Variants in L3MBTL4 observed in about 807,000 individuals in gnomAD.
L3MBTL4 encodes the protein lethal(3)malignant brain tumor-like protein 4.
In L3MBTL4, 70 loss-of-function variants were observed where a neutral mutation model predicts 84.5. The observed-to-expected ratio is 0.83, with a 90% CI of 0.68 to 1.01. The LOEUF (loss-of-function observed/expected upper bound fraction) is 1.01, where lower values mean the gene tolerates loss of function less well. L3MBTL4 is among the 50% of genes least tolerant of loss of function. The pLI is 0.00. For synonymous variants in L3MBTL4, 274 were observed against 259.8 expected (o/e 1.05, Z -0.52); for missense variants, 715 against 754.8 (o/e 0.95, Z 0.62).
At chr18:6,401,550 A>G (rs775070260) in intron 1 of L3MBTL4, among the ~76,000 whole-genome samples, 9 of 152,218 alleles carry the variant, frequency 5.9e-5, no homozygotes, top group Non-Finnish European at 1.0e-4. Context: ...ACAGCTTATA[A>G]GAGGTAAAGT....
At chr18:6,175,062 A>G (rs1362719810) in intron 12 of L3MBTL4, among the ~76,000 whole-genome samples, 4 of 152,136 alleles carry the variant, frequency 2.6e-5, no homozygotes, top group Admixed American at 6.5e-5. Context: ...GGCCAAAAAT[A>G]CCAATTTGCA....
chr18:6,285,483 AGT>A (rs146666645), intron 4 of L3MBTL4, among the ~76,000 whole-genome samples: 26,252 of 150,996 alleles, frequency 0.17, 2,298 homozygotes, highest in Middle Eastern at 0.22. Flanking sequence ...AGTGCTATAA[AGT>A]GTGTGTGTGT....
intron 12 of L3MBTL4, among the ~76,000 whole-genome samples, chr18:6,176,633 G>A (rs183474155): frequency 3.3e-5 from 5 of 152,208 alleles, no homozygotes; most frequent in South Asian, 4.1e-4. Flanking sequence ...AAGTCTTCAT[G>A]ATATTGGAAT....
intron 1 of L3MBTL4, among the ~76,000 whole-genome samples, chr18:6,361,983 C>A (rs1327379108): frequency 6.6e-6 from 1 of 151,830 alleles, no homozygotes; most frequent in Non-Finnish European, 1.5e-5. Flanking sequence ...GTGGTAGACA[C>A]CTGTAGTCCC....
At chr18:6,408,075 A>G (rs937728780) in intron 1 of L3MBTL4, among the ~76,000 whole-genome samples, 5 of 152,228 alleles carry the variant, frequency 3.3e-5, no homozygotes, top group African/African-American at 1.2e-4. Flanking sequence ...TTAGACAAGG[A>G]GTAAAAAAGG....
At chr18:6,377,600 G>A (rs2054420898) in intron 1 of L3MBTL4, among the ~76,000 whole-genome samples, 1 of 152,134 alleles carries the variant, frequency 6.6e-6, no homozygotes, top group East Asian at 1.9e-4. Context: ...GTGTTAGTTT[G>A]CTGAGAATGA....
At chr18:6,090,680 T>C (rs1443279082) in intron 15 of L3MBTL4, among the ~76,000 whole-genome samples, 1 of 150,884 alleles carries the variant, frequency 6.6e-6, no homozygotes, top group Non-Finnish European at 1.5e-5. Flanking sequence ...TAAGCTAGAA[T>C]GCAATGGTGT....
chr18:6,274,463 C>T (rs997864806), intron 4 of L3MBTL4, among the ~76,000 whole-genome samples: 3 of 152,208 alleles, frequency 2.0e-5, no homozygotes, highest in Admixed American at 2.0e-4. Context: ...CCCAAACATG[C>T]ATTTTTGCAC....
At chr18:6,014,429 G>A (rs2054870762) in intron 16 of L3MBTL4, among the ~76,000 whole-genome samples, 1 of 152,178 alleles carries the variant, frequency 6.6e-6, no homozygotes, top group East Asian at 1.9e-4. Flanking sequence ...GAATGGTAAG[G>A]TCCTGGAGAG....
chr18:6,105,791 A>G (rs1298188545), intron 14 of L3MBTL4, among the ~76,000 whole-genome samples: 1 of 144,782 alleles, frequency 6.9e-6, no homozygotes, highest in East Asian at 2.0e-4. Flanking sequence ...CAAGAGTGAA[A>G]CTCTGTCTCA....
chr18:5,960,446 T>G (rs1238086738), intron 17 of L3MBTL4, among the ~76,000 whole-genome samples: 1 of 152,230 alleles, frequency 6.6e-6, no homozygotes, highest in Non-Finnish European at 1.5e-5. Flanking sequence ...CTGCATCTGA[T>G]TCTCCTGACT....
At chr18:5,957,586 A>C (rs2095234243) in intron 18 of L3MBTL4, among the ~76,000 whole-genome samples, 1 of 152,088 alleles carries the variant, frequency 6.6e-6, no homozygotes, top group Non-Finnish European at 1.5e-5. Flanking sequence ...CCAAGAAGGC[A>C]GGAATGGAAG....
chr18:6,265,116 G>C (rs1383546211), intron 4 of L3MBTL4, among the ~76,000 whole-genome samples: 1 of 152,150 alleles, frequency 6.6e-6, no homozygotes, highest in Non-Finnish European at 1.5e-5. Flanking sequence ...ATGTGTAATA[G>C]ATTAAATGAT....
chr18:5,997,548 A>T (rs1313373855), intron 16 of L3MBTL4, among the ~76,000 whole-genome samples: 1 of 152,170 alleles, frequency 6.6e-6, no homozygotes, highest in African/African-American at 2.4e-5. Context: ...ATTTCAAGAA[A>T]AGCTAATCAG....
intron 16 of L3MBTL4, among the ~76,000 whole-genome samples, chr18:5,985,133 A>G (rs2053410551): frequency 6.6e-6 from 1 of 152,134 alleles, no homozygotes; most frequent in African/African-American, 2.4e-5. Context: ...TCAAGGTTCA[A>G]ATGAGAGTGC....
At chr18:5,966,114 C>T (rs1041657572) in intron 17 of L3MBTL4, among the ~76,000 whole-genome samples, 11 of 152,188 alleles carry the variant, frequency 7.2e-5, no homozygotes, top group African/African-American at 2.7e-4. Context: ...GTCCTAATGA[C>T]ACTTTCACCT....
Position 5,971,040 on chromosome 18 carries a change from C to T in L3MBTL4, c.1445-1478G>A, listed in dbSNP as rs570168. Among the ~76,000 whole-genome samples the T allele has an allele frequency of 4.6e-5, 7 of 152,064 alleles. No individual in the cohort carries two copies. The South Asian group carries it at 1.0e-3, about 23-fold the overall frequency. On this transcript the variant is annotated intron_variant, in intron 16 of 18. Transcript: ENST00000317931. ...TCCAGGTGCAAGCAGCAGCAAATTCCTCTCTAACTGCTGATTGTCCAACAC... is the reference window on the plus strand; with the variant it reads ...TCCAGGTGCAAGCAGCAGCAAATTCTTCTCTAACTGCTGATTGTCCAACAC...
chr18:6,115,547 G>T (rs1243477281), intron 14 of L3MBTL4, among the ~76,000 whole-genome samples: 2 of 152,170 alleles, frequency 1.3e-5, no homozygotes, highest in African/African-American at 4.8e-5. Context: ...TGAGAAGCCA[G>T]CAACTACCTA....
At position 6,215,780 on chromosome 18, in the gene L3MBTL4, G is replaced by C. The variant is rs1568328218; in HGVS notation, c.840C>G (p.Thr280=). The change falls in exon 11 of 19, where the codon ACC becomes ACG. Residue 280 remains threonine, a synonymous_variant. Coordinates refer to ENST00000317931, the MANE Select transcript of L3MBTL4 (RefSeq NM_001330559.2). Reference sequence around the variant, plus strand: ...TAAAAACTTTGGCAGGAACTGCATTGGTTTGAGTAGCTTCCAGGTATTCTG... The same window carrying C: ...TAAAAACTTTGGCAGGAACTGCATTCGTTTGAGTAGCTTCCAGGTATTCTG... ...SWTEYLEATQ[T]NAVPAKVFKM... is the part of the protein sequence containing the mutation. 2 of 1,607,394 alleles carry C rather than the reference G, an allele frequency of 1.2e-6. No individual in the cohort carries two copies. Among genetic ancestry groups the C allele is most frequent in the African/African-American group, 1.3e-5 (1 of 74,798 alleles).
Sources: allele counts gnomAD v4.1 joint callset (sites outside exome capture counted in the v4.1 genomes callset), GRCh38; gene constraint gnomAD v4.1.1; transcripts MANE v1.5; gene names NCBI Gene and HGNC (gene_info 2026-07-23, HGNC 2026-07-21).